The following CYTH3 variants were observed in gnomAD, a reference collection of about 807,000 sequenced individuals.
CYTH3 encodes the protein cytohesin-3.
A neutral mutation model predicts 55.1 loss-of-function variants in CYTH3; 23 were observed. The ratio of observed to expected loss-of-function variants is 0.42; its 90% confidence interval spans 0.30 to 0.59. CYTH3 has a LOEUF of 0.59. Among genes scored for constraint, CYTH3 ranks in the 20% least tolerant of loss-of-function variants. The pLI, the probability that CYTH3 is intolerant of heterozygous loss-of-function variation, is 0.20. For missense variants in CYTH3, 413 were observed against 524.8 expected (o/e 0.79, Z 2.08); for synonymous variants, 249 against 194.9 (o/e 1.28, Z -2.31).
chr7:6,243,533 G>A (rs1373110834), intron 1 of CYTH3, among the ~76,000 whole-genome samples: 1 of 152,194 alleles, frequency 6.6e-6, no homozygotes, highest in East Asian at 1.9e-4. Context: ...CTGGCAGGTG[G>A]CATCTTAAGG....
chr7:6,165,447 G>A lies in CYTH3; in HGVS notation c.973-20C>T, dbSNP rs768847509. 48 of 1,610,338 alleles carry A rather than the reference G, an allele frequency of 3.0e-5. No individual in the cohort carries two copies. Among genetic ancestry groups the A allele is most frequent in the Non-Finnish European group, 3.5e-5 (41 of 1,177,642 alleles). ...ACAGTTCTGGTGGAGAAAGAGAGAG[G>A]GGAGGCGGTCAGGGGGGCTTGGGGC... On this transcript the variant is annotated intron_variant, in intron 11 of 12. Transcript: ENST00000350796.
At chr7:6,230,928 A>C (rs1471188560) in intron 1 of CYTH3, among the ~76,000 whole-genome samples, 1 of 152,234 alleles carries the variant, frequency 6.6e-6, no homozygotes, top group Admixed American at 6.5e-5. Context: ...AAAAAAGTCA[A>C]TAAGGCCACT....
At chr7:6,240,397 G>A (rs988591005) in intron 1 of CYTH3, among the ~76,000 whole-genome samples, 5 of 151,648 alleles carry the variant, frequency 3.3e-5, no homozygotes, top group Non-Finnish European at 5.9e-5. Context: ...AGAATAACCA[G>A]GAAAACTCTG....
At chr7:6,249,110 A>T (rs1779896896) in intron 1 of CYTH3, among the ~76,000 whole-genome samples, 1 of 152,196 alleles carries the variant, frequency 6.6e-6, no homozygotes, top group Non-Finnish European at 1.5e-5. Context: ...CGATGAAGCT[A>T]GCTATGTCTT....
chr7:6,272,409 C>CGGGGGGGGGGGGGGGGGGG, intron 1 of CYTH3, 65 bp downstream of exon 1: 4 of 1,212,384 alleles, frequency 3.3e-6, no homozygotes, highest in African/African-American at 1.6e-5. Context: ...GCCGCGCCCT[C>CGGGGGGGGGGGGGGGGGGG]GACCCCCAGC....
chr7:6,220,034 GCA>G (rs1376109436), intron 1 of CYTH3, among the ~76,000 whole-genome samples: 1 of 152,028 alleles, frequency 6.6e-6, no homozygotes, highest in African/African-American at 2.4e-5. Context: ...CTACAGGCAT[GCA>G]CCACCACACC....
At position 6,259,747 on chromosome 7, in the gene CYTH3, TA is replaced by T. The variant is rs1462571468; in HGVS notation, c.34+12726del. Among the ~76,000 whole-genome samples, 9 of 17,142 alleles carry T rather than the reference TA, an allele frequency of 5.3e-4. 1 individual carries two copies. Among genetic ancestry groups the T allele is most frequent in the African/African-American group, 2.6e-3 (9 of 3,522 alleles). 11.2% of individuals were successfully genotyped at this position (17,142 alleles called of 152,430 possible). On this transcript the variant is annotated intron_variant, in intron 1 of 12. Transcript: ENST00000350796. ...ATATTTTACATACATATATATAATA[TA>T]TATATATATTATATATATATATATT...
At chr7:6,218,701 G>C (rs1036660915) in intron 1 of CYTH3, among the ~76,000 whole-genome samples, 37 of 152,148 alleles carry the variant, frequency 2.4e-4, no homozygotes, top group African/African-American at 8.4e-4. Context: ...TCACAGAAAT[G>C]TGGATGTTAA....
At chr7:6,179,797 C>CCACCACACA (rs1485146736) in intron 4 of CYTH3, among the ~76,000 whole-genome samples, 1 of 122,880 alleles carries the variant, frequency 8.1e-6, no homozygotes, top group African/African-American at 3.3e-5. Context: ...CCACACACAC[C>CCACCACACA]CACCACACAC....
intron 1 of CYTH3, among the ~76,000 whole-genome samples, chr7:6,236,762 C>A (rs1779534662): frequency 6.6e-6 from 1 of 151,388 alleles, no homozygotes; most frequent in African/African-American, 2.4e-5. Flanking sequence ...AAAGTTTCAC[C>A]ATGTTGGCTA....
intron 1 of CYTH3, among the ~76,000 whole-genome samples, chr7:6,249,651 G>A (rs186315271): frequency 2.0e-5 from 3 of 152,290 alleles, no homozygotes; most frequent in Admixed American, 2.0e-4. Context: ...CCCATTTGTA[G>A]TTTCCTTCCA....
At chr7:6,168,293 G>A (rs976966437) in intron 9 of CYTH3, among the ~76,000 whole-genome samples, 2 of 144,556 alleles carry the variant, frequency 1.4e-5, no homozygotes, top group Non-Finnish European at 3.0e-5. Flanking sequence ...CGTAAGCCAC[G>A]CCTGTGTACA....
chr7:6,183,419 C>G (rs545804607), intron 4 of CYTH3, among the ~76,000 whole-genome samples: 47 of 152,290 alleles, frequency 3.1e-4, no homozygotes, highest in African/African-American at 1.1e-3. Context: ...TCTAGGAAAT[C>G]AGGAATAAAG....
chr7:6,168,400 G>A (rs1226055297), intron 9 of CYTH3, among the ~76,000 whole-genome samples: 5 of 151,730 alleles, frequency 3.3e-5, no homozygotes, highest in Admixed American at 6.6e-5. Context: ...AAGCCAGGCC[G>A]CACTCCCCGC....
In CYTH3 at chr7:6,165,539, G is replaced by C; in HGVS notation, c.972+6C>G. ...CAGGAGAGAAGGTTCAGGAGGAAGA[G>C]CTTACGGGTTTCCGGGGGTCCTCCA... On this transcript the variant is annotated splice_donor_region_variant and intron_variant, in intron 11 of 12. Transcript: ENST00000350796. 1 of 1,613,778 alleles carries C rather than the reference G, an allele frequency of 6.2e-7. No individual in the cohort carries two copies. Among genetic ancestry groups the C allele is most frequent in the South Asian group, 1.1e-5 (1 of 91,044 alleles).
chr7:6,175,567 T>TTTTTTA, intron 5 of CYTH3, among the ~76,000 whole-genome samples: 1 of 148,966 alleles, frequency 6.7e-6, no homozygotes, highest in African/African-American at 2.5e-5. Context: ...TTTTTTTTTT[T>TTTTTTA]GAGAGAGTCT....
chr7:6,244,789 CTTTTA>C (rs951980506), intron 1 of CYTH3, among the ~76,000 whole-genome samples: 26 of 151,570 alleles, frequency 1.7e-4, no homozygotes, highest in Admixed American at 4.6e-4. Flanking sequence ...TTAGTCTAGT[CTTTTA>C]TTTTATTTTT....
chr7:6,166,937 T>A (rs1027032739), intron 9 of CYTH3, among the ~76,000 whole-genome samples: 2 of 152,134 alleles, frequency 1.3e-5, no homozygotes, highest in African/African-American at 4.8e-5. Flanking sequence ...AAAGGGTCTG[T>A]CTAGACCCTG....
chr7:6,181,122 G>C (rs73675883), intron 4 of CYTH3, among the ~76,000 whole-genome samples: 2,018 of 152,114 alleles, frequency 0.013, 41 homozygotes, highest in African/African-American at 0.046. Flanking sequence ...TCAACATCTA[G>C]AAAACCTTAG....
Sources: allele counts gnomAD v4.1 joint callset (sites outside exome capture counted in the v4.1 genomes callset), GRCh38; gene constraint gnomAD v4.1.1; transcripts MANE v1.5; gene names NCBI Gene and HGNC (gene_info 2026-07-23, HGNC 2026-07-21).